The following JAM3 variants were observed in gnomAD, a reference collection of about 807,000 sequenced individuals.
The protein encoded by JAM3 is junctional adhesion molecule C.
A neutral mutation model predicts 39.4 loss-of-function variants in JAM3; 31 were observed. The observed-to-expected ratio is 0.79, with a 90% CI of 0.59 to 1.06. The LOEUF is 1.06. Ranked by LOEUF, JAM3 falls within the 50% of genes least tolerant of loss-of-function variation. The pLI is 0.00. For synonymous variants in JAM3, 182 were observed against 148.7 expected (o/e 1.22, Z -1.63); for missense variants, 455 against 391.4 (o/e 1.16, Z -1.37).
intron 1 of JAM3, chr11:134,126,238 A>G (rs754629365): frequency 2.0e-5 from 3 of 152,208 alleles, no homozygotes; most frequent in Non-Finnish European, 4.4e-5. Context: ...TTAGAAATTG[A>G]TCCCAAGGTC....
At chr11:134,082,819 G>A (rs1941688896) in intron 1 of JAM3, among the ~76,000 whole-genome samples, 1 of 152,132 alleles carries the variant, frequency 6.6e-6, no homozygotes, top group Non-Finnish European at 1.5e-5. Flanking sequence ...GACCATTTAT[G>A]CACCACCTCA....
At chr11:134,144,211 G>A (rs780183089) in intron 3 of JAM3, 30 bp from the exon 4 acceptor site, 1 of 1,613,906 alleles carries the variant, frequency 6.2e-7, no homozygotes, top group South Asian at 1.1e-5. Flanking sequence ...CTTTAAAGAA[G>A]TTTTTTAGTG....
intron 6 of JAM3, among the ~76,000 whole-genome samples, chr11:134,147,345 T>C (rs1943092331): frequency 6.7e-6 from 1 of 148,722 alleles, no homozygotes; most frequent in Non-Finnish European, 1.5e-5. Flanking sequence ...TCCCAGTAAC[T>C]TGGGAGGCTG....
At chr11:134,099,598 CTATT>C (rs769209594) in intron 1 of JAM3, among the ~76,000 whole-genome samples, 33 of 152,044 alleles carry the variant, frequency 2.2e-4, no homozygotes, top group Non-Finnish European at 4.3e-4. Context: ...CTGTATTTTT[CTATT>C]TATTTGTTTA....
chr11:134,138,170 G>A (rs914415966), intron 1 of JAM3, among the ~76,000 whole-genome samples: 3 of 130,284 alleles, frequency 2.3e-5, no homozygotes, highest in South Asian at 2.5e-4. Context: ...AGCCAGTGGT[G>A]GCGTCTCGTC....
At chr11:134,140,952 T>C (rs1942964133) in intron 3 of JAM3, among the ~76,000 whole-genome samples, 182 bp downstream of exon 3, 1 of 151,800 alleles carries the variant, frequency 6.6e-6, no homozygotes, top group Non-Finnish European at 1.5e-5. Context: ...ATGCAAATGG[T>C]ATATCAAGCC....
At chr11:134,123,888 T>C (rs559941284) in intron 1 of JAM3, 5 of 942,452 alleles carry the variant, frequency 5.3e-6, no homozygotes, top group Non-Finnish European at 8.8e-6. Context: ...TCAGTATTTC[T>C]CCAAGTAAAG....
Position 134,149,825 on chromosome 11 carries a change from A to G in JAM3, c.*644A>G. 1 of 356,848 alleles carries G rather than the reference A, an allele frequency of 2.8e-6. No individual in the cohort carries two copies. The highest frequency in any genetic ancestry group is 2.2e-5 in the South Asian group (1 of 45,280). The allele number at this position is 356,848 out of a possible 1,614,324, so 22.1% of individuals were successfully genotyped here. A position where few individuals can be genotyped will look rare whatever the true frequency, so the allele number is the denominator to read the frequency against. On this transcript the variant is annotated 3_prime_UTR_variant, in exon 9 of 9. Coordinates refer to ENST00000299106, the MANE Select transcript of JAM3 (RefSeq NM_032801.5). ...TTGCCTGAGGAACCCTGCTTGTCCA[A>G]CAGGGTGTCAGGATTTAAGGAAAAC... is the stretch of plus-strand genomic sequence containing the variant.
intron 5 of JAM3, 70 bp downstream of exon 5, chr11:134,145,064 AAGATT>A: frequency 7.0e-6 from 9 of 1,283,300 alleles, no homozygotes; most frequent in Non-Finnish European, 1.0e-5. Flanking sequence ...TTGTGAAAAG[AAGATT>A]AGGAGAGATA....
chr11:134,092,962 AG>A (rs1337979739), intron 1 of JAM3, among the ~76,000 whole-genome samples: 1 of 149,312 alleles, frequency 6.7e-6, no homozygotes, highest in Non-Finnish European at 1.5e-5. Flanking sequence ...TCACTCCCTG[AG>A]AGAAGCTTCT....
intron 3 of JAM3, among the ~76,000 whole-genome samples, chr11:134,143,676 G>T (rs945220041): frequency 1.3e-5 from 2 of 152,220 alleles, no homozygotes; most frequent in African/African-American, 2.4e-5. Context: ...TTTGAATTTT[G>T]ATGAAGTCCG....
chr11:134,130,922 G>A (rs1001346990), intron 1 of JAM3, among the ~76,000 whole-genome samples: 2 of 152,188 alleles, frequency 1.3e-5, no homozygotes, highest in Non-Finnish European at 2.9e-5. Context: ...AAGCTACAGA[G>A]TGACTATAAA....
chr11:134,076,832 GC>G (rs1565480988), intron 1 of JAM3, among the ~76,000 whole-genome samples: 1 of 121,050 alleles, frequency 8.3e-6, no homozygotes. Context: ...AACATCTATT[GC>G]TTTTTTTTTT....
At chr11:134,085,622 T>C (rs1451655191) in intron 1 of JAM3, among the ~76,000 whole-genome samples, 1 of 152,226 alleles carries the variant, frequency 6.6e-6, no homozygotes. Context: ...CCAGTCATAG[T>C]CTTCCTTGAA....
At chr11:134,142,342 T>C (rs1331190910) in intron 3 of JAM3, among the ~76,000 whole-genome samples, 1 of 152,142 alleles carries the variant, frequency 6.6e-6, no homozygotes, top group African/African-American at 2.4e-5. Flanking sequence ...TCTCACATGG[T>C]AAAGGTTCGA....
At chr11:134,079,758 G>C (rs147310589) in intron 1 of JAM3, among the ~76,000 whole-genome samples, 36 of 152,236 alleles carry the variant, frequency 2.4e-4, no homozygotes, top group African/African-American at 8.7e-4. Context: ...TAGATCCAAA[G>C]GAGTGACTTT....
At chr11:134,136,763 T>A (rs1235604118) in intron 1 of JAM3, among the ~76,000 whole-genome samples, 1 of 152,194 alleles carries the variant, frequency 6.6e-6, no homozygotes, top group Non-Finnish European at 1.5e-5. Flanking sequence ...CAAAGCTGCT[T>A]GTGAAACTTA....
intron 1 of JAM3, among the ~76,000 whole-genome samples, chr11:134,135,753 G>A (rs1330064465): frequency 6.6e-6 from 1 of 151,948 alleles, no homozygotes; most frequent in Non-Finnish European, 1.5e-5. Flanking sequence ...CAGGTATCTA[G>A]TATATAATAA....
At chr11:134,131,417 A>T (rs764505990) in intron 1 of JAM3, among the ~76,000 whole-genome samples, 92 of 151,958 alleles carry the variant, frequency 6.1e-4, no homozygotes, top group Non-Finnish European at 1.0e-3. Flanking sequence ...TAATTTTTTT[A>T]AAAAACACAG....
Sources: allele counts gnomAD v4.1 joint callset (sites outside exome capture counted in the v4.1 genomes callset), GRCh38; gene constraint gnomAD v4.1.1; transcripts MANE v1.5; gene names NCBI Gene and HGNC (gene_info 2026-07-23, HGNC 2026-07-21).